Variants in DLG2 observed in about 807,000 individuals in gnomAD.
DLG2 encodes discs large MAGUK scaffold protein 2.
In DLG2, 45 loss-of-function variants were observed where a neutral mutation model predicts 132.5. That is an observed-to-expected ratio of 0.34 (90% CI 0.27 to 0.44). The LOEUF (loss-of-function observed/expected upper bound fraction) is 0.44. Among genes scored for constraint, DLG2 ranks in the 20% least tolerant of loss-of-function variants. The pLI is 1.00. For synonymous variants in DLG2, 424 were observed against 419.6 expected, an observed-to-expected ratio of 1.01 and a Z score of -0.13; for missense variants, 1,045 against 1,196.9, an observed-to-expected ratio of 0.87 and a Z score of 1.87.
intron 7 of DLG2, among the ~76,000 whole-genome samples, chr11:84,267,617 C>T (rs1186103264): frequency 6.6e-6 from 1 of 152,220 alleles, no homozygotes; most frequent in Non-Finnish European, 1.5e-5. Context: ...GGCAGGCCGT[C>T]TGATAAACTG....
chr11:84,703,235 T>C (rs1031426955), intron 6 of DLG2, among the ~76,000 whole-genome samples: 1 of 151,656 alleles, frequency 6.6e-6, no homozygotes, highest in Non-Finnish European at 1.5e-5. Context: ...ATGAATATGC[T>C]GTCTTTACAA....
At chr11:84,785,021 A>G (rs928024688) in intron 6 of DLG2, among the ~76,000 whole-genome samples, 4 of 152,150 alleles carry the variant, frequency 2.6e-5, no homozygotes, top group Non-Finnish European at 5.9e-5. Context: ...TCATTCTACG[A>G]TGTATGTATA....
At chr11:85,078,419 A>G (rs1159928827) in intron 6 of DLG2, among the ~76,000 whole-genome samples, 1 of 151,892 alleles carries the variant, frequency 6.6e-6, no homozygotes, top group Non-Finnish European at 1.5e-5. Context: ...GCTTTGAGGT[A>G]GGAGCAAGTC....
intron 8 of DLG2, among the ~76,000 whole-genome samples, chr11:84,201,288 A>G (rs2096589168): frequency 6.6e-6 from 1 of 152,164 alleles, no homozygotes; most frequent in Admixed American, 6.5e-5. Flanking sequence ...TACCCCAGGG[A>G]TGAAGCCTAT....
At chr11:85,044,616 C>G (rs2062161879) in intron 6 of DLG2, among the ~76,000 whole-genome samples, 1 of 151,996 alleles carries the variant, frequency 6.6e-6, no homozygotes, top group Non-Finnish European at 1.5e-5. Flanking sequence ...TGGATACAAT[C>G]ATGATCTAAT....
chr11:84,925,637 T>C (rs1458747401), intron 6 of DLG2, among the ~76,000 whole-genome samples: 1 of 152,134 alleles, frequency 6.6e-6, no homozygotes, highest in Non-Finnish European at 1.5e-5. Context: ...ATAATAACAT[T>C]TGCTATAGTA....
chr11:83,630,231 T>C (rs891894974), intron 19 of DLG2, among the ~76,000 whole-genome samples: 1 of 152,230 alleles, frequency 6.6e-6, no homozygotes, highest in South Asian at 2.1e-4. Context: ...CCTGGGAAGA[T>C]CATTTCTAGT....
intron 7 of DLG2, among the ~76,000 whole-genome samples, chr11:84,453,152 C>T (rs1263775811): frequency 6.6e-6 from 1 of 151,496 alleles, no homozygotes; most frequent in East Asian, 1.9e-4. Flanking sequence ...TGACTGAAGA[C>T]ATCAAGTAAG....
chr11:84,136,572 A>C (rs1226148360), intron 9 of DLG2, among the ~76,000 whole-genome samples: 1 of 152,162 alleles, frequency 6.6e-6, no homozygotes, highest in African/African-American at 2.4e-5. Context: ...AGACTCGAGA[A>C]GGACAATATG....
chr11:84,102,969 G>T (rs189215777), intron 9 of DLG2, among the ~76,000 whole-genome samples: 1 of 152,082 alleles, frequency 6.6e-6, no homozygotes, highest in Non-Finnish European at 1.5e-5. Flanking sequence ...GGAAAAGAAT[G>T]AATATATTTA....
At chr11:83,485,588 C>T (rs2093448976) in intron 21 of DLG2, among the ~76,000 whole-genome samples, 1 of 152,046 alleles carries the variant, frequency 6.6e-6, no homozygotes, top group Non-Finnish European at 1.5e-5. Context: ...AACAGGTATT[C>T]AAAAACATTT....
Position 85,108,128 on chromosome 11 carries a change from CA to C in DLG2, c.357+3532del, listed in dbSNP as rs566644841. Among the ~76,000 whole-genome samples, 59 of 151,898 alleles carry C rather than the reference CA, an allele frequency of 3.9e-4. No homozygotes were observed. The South Asian group carries it at 0.01, about 26-fold the overall frequency. On this transcript the variant is annotated intron_variant, in intron 6 of 27. Transcript: ENST00000376104. Reference sequence around the variant, plus strand: ...AAAGCAATCTGGAGGAGCCAGAAATCAAATGATAAAAGTTCTGCACTTAAAA... The same window carrying C: ...AAAGCAATCTGGAGGAGCCAGAAATCAATGATAAAAGTTCTGCACTTAAAA...
chr11:84,589,943 G>A lies in DLG2; in HGVS notation c.358-55212C>T, dbSNP rs193071516. 1.3e-3 allele frequency among the ~76,000 whole-genome samples: 200 copies of A among 152,278 alleles called. 1 individual carries two copies. The highest frequency in any genetic ancestry group is 4.6e-3 in the African/African-American group (192 of 41,570). ...CATACACATGTGCAAGGCAAATACT[G>A]CAGTCTTTTCTAACTGGAGTGTACC... On this transcript the variant is annotated intron_variant, in intron 6 of 27. Transcript: ENST00000376104.
At chr11:85,126,483 G>C (rs2075128538) in intron 5 of DLG2, among the ~76,000 whole-genome samples, 1 of 152,068 alleles carries the variant, frequency 6.6e-6, no homozygotes, top group Non-Finnish European at 1.5e-5. Flanking sequence ...CTATTAAATG[G>C]TTAATCCCAG....
intron 8 of DLG2, among the ~76,000 whole-genome samples, chr11:84,179,932 C>A (rs1244030180): frequency 6.6e-6 from 1 of 152,086 alleles, no homozygotes; most frequent in African/African-American, 2.4e-5. Context: ...GCTTTCCTCC[C>A]CAATACCTTG....
intron 6 of DLG2, among the ~76,000 whole-genome samples, chr11:85,061,999 G>A (rs2064195126): frequency 6.6e-6 from 1 of 151,588 alleles, no homozygotes; most frequent in Admixed American, 6.6e-5. Flanking sequence ...AAAAATTTGA[G>A]GTTAACACAA....
intron 6 of DLG2, among the ~76,000 whole-genome samples, chr11:84,713,498 A>G (rs2060672989): frequency 6.6e-6 from 1 of 152,098 alleles, no homozygotes; most frequent in South Asian, 2.1e-4. Flanking sequence ...CCAATTTTGA[A>G]CACTTGGATT....
chr11:85,333,582 T>G (rs1185426223), intron 3 of DLG2, among the ~76,000 whole-genome samples: 1 of 152,074 alleles, frequency 6.6e-6, no homozygotes, highest in African/African-American at 2.4e-5. Context: ...CCATAGAGGC[T>G]CTTATTCTGA....
chr11:85,235,181 A>C (rs1406090433), intron 4 of DLG2, among the ~76,000 whole-genome samples: 1 of 151,984 alleles, frequency 6.6e-6, no homozygotes, highest in Non-Finnish European at 1.5e-5. Flanking sequence ...AATACTATGA[A>C]GTCATTAGCT....
Sources: allele counts gnomAD v4.1 joint callset (sites outside exome capture counted in the v4.1 genomes callset), GRCh38; gene constraint gnomAD v4.1.1; transcripts MANE v1.5; gene names NCBI Gene and HGNC (gene_info 2026-07-23, HGNC 2026-07-21).